PRKG1: variants seen among roughly 807,000 people sequenced by gnomAD.
The protein encoded by PRKG1 is cGMP-dependent protein kinase 1.
Under a neutral mutation model 88.1 loss-of-function variants are expected in PRKG1, and 35 were observed. The ratio of observed to expected loss-of-function variants is 0.40; its 90% CI spans 0.30 to 0.53. The LOEUF is 0.53. Ranked by LOEUF, PRKG1 falls within the 20% of genes least tolerant of loss-of-function variation. PRKG1 has a pLI of 0.59. For missense variants in PRKG1, 540 were observed against 839.8 expected, an observed-to-expected ratio of 0.64 and a Z score of 4.41; for synonymous variants, 303 against 292.5, an observed-to-expected ratio of 1.04 and a Z score of -0.37.
chr10:51,156,366 A>ATT (rs1291547085), intron 2 of PRKG1, among the ~76,000 whole-genome samples: 2 of 151,656 alleles, frequency 1.3e-5, no homozygotes, highest in Non-Finnish European at 1.5e-5. Flanking sequence ...ATGATAGGTG[A>ATT]TATTTCTTCC....
chr10:51,137,202 AGTG>A (rs1845709070), intron 1 of PRKG1, among the ~76,000 whole-genome samples: 1 of 152,082 alleles, frequency 6.6e-6, no homozygotes, highest in African/African-American at 2.4e-5. Context: ...TATTTCTTAA[AGTG>A]AATAGGAACT....
chr10:51,163,133 C>A (rs746571140), intron 2 of PRKG1, among the ~76,000 whole-genome samples: 131 of 152,266 alleles, frequency 8.6e-4, no homozygotes, highest in Non-Finnish European at 1.4e-3. Flanking sequence ...CCGCTACACT[C>A]CAGTCTGGGC....
At chr10:51,714,183 G>A (rs980117077) in intron 3 of PRKG1, among the ~76,000 whole-genome samples, 1 of 152,164 alleles carries the variant, frequency 6.6e-6, no homozygotes, top group African/African-American at 2.4e-5. Context: ...GTTTCACTGT[G>A]TTGGCAGGCT....
At chr10:51,968,669 A>G (rs1375337427) in intron 5 of PRKG1, among the ~76,000 whole-genome samples, 2 of 151,304 alleles carry the variant, frequency 1.3e-5, no homozygotes, top group African/African-American at 4.9e-5. Context: ...GAAAATACAA[A>G]AAAATTAGCT....
intron 14 of PRKG1, among the ~76,000 whole-genome samples, chr10:52,287,877 C>T (rs1345928822): frequency 6.6e-6 from 1 of 151,870 alleles, no homozygotes; most frequent in Admixed American, 6.6e-5. Flanking sequence ...TATTTATTGC[C>T]TCCTTAGTAT....
In PRKG1 at chr10:51,591,053, G is replaced by A. The variant is rs184387326; in HGVS notation, c.592+123217G>A. ...TAGTTTAACAAAGGCAAACACAGTAGGGGTGTTGTTGAAGCACACACAAGG... is the reference window on the plus strand; with the variant it reads ...TAGTTTAACAAAGGCAAACACAGTAAGGGTGTTGTTGAAGCACACACAAGG... On this transcript the variant is annotated intron_variant, in intron 3 of 17. Coordinates refer to ENST00000373980, the MANE Select transcript of PRKG1 (RefSeq NM_006258.4). Among the ~76,000 whole-genome samples, 23 of 152,266 alleles carry A rather than the reference G, an allele frequency of 1.5e-4. 1 individual carries two copies. The East Asian group carries it at 4.2e-3, about 28-fold the overall frequency.
chr10:52,150,672 A>G (rs1275435305), intron 8 of PRKG1, among the ~76,000 whole-genome samples: 3 of 152,220 alleles, frequency 2.0e-5, no homozygotes, highest in African/African-American at 7.2e-5. Flanking sequence ...TATTTATAAA[A>G]ATGTTAAACT....
chr10:51,795,944 T>A (rs1838999567), intron 3 of PRKG1, among the ~76,000 whole-genome samples: 2 of 152,220 alleles, frequency 1.3e-5, no homozygotes, highest in South Asian at 4.1e-4. Flanking sequence ...GAAAAATAAT[T>A]CACTCAGGAA....
At chr10:52,261,405 T>C (rs1165271703) in intron 10 of PRKG1, among the ~76,000 whole-genome samples, 1 of 151,986 alleles carries the variant, frequency 6.6e-6, no homozygotes, top group African/African-American at 2.4e-5. Flanking sequence ...TGAAAAGGCA[T>C]ATATATATAA....
intron 2 of PRKG1, among the ~76,000 whole-genome samples, chr10:51,177,826 T>A: frequency 6.6e-6 from 1 of 151,982 alleles, no homozygotes; most frequent in East Asian, 1.9e-4. Flanking sequence ...TATGATTACA[T>A]TTATATTTAA....
intron 5 of PRKG1, among the ~76,000 whole-genome samples, chr10:51,990,757 CCTCT>C (rs1844284379): frequency 6.6e-6 from 1 of 152,070 alleles, no homozygotes; most frequent in Non-Finnish European, 1.5e-5. Flanking sequence ...GTCTGTTGTT[CCTCT>C]CTATGTGTCC....
chr10:51,075,119 AG>A (rs1236302589), intron 1 of PRKG1, among the ~76,000 whole-genome samples: 1 of 152,174 alleles, frequency 6.6e-6, no homozygotes, highest in African/African-American at 2.4e-5. Flanking sequence ...TCAGATGTCA[AG>A]GTATTATTTT....
At chr10:52,056,597 G>T (rs1403297864) in intron 6 of PRKG1, among the ~76,000 whole-genome samples, 1 of 152,100 alleles carries the variant, frequency 6.6e-6, no homozygotes, top group Non-Finnish European at 1.5e-5. Context: ...GCACTCTGGG[G>T]ATTCTGGGAG....
At position 52,296,234 on chromosome 10, in the gene PRKG1, T is replaced by C. The variant is rs1002797055; in HGVS notation, c.*2334T>C. ...CCCAGAGATTAGCACTTGCTATGGA[T>C]TTTGGAACTATGGTTCAAGTCTAAG... is the stretch of plus-strand genomic sequence containing the variant. On this transcript the variant is annotated 3_prime_UTR_variant, in exon 18 of 18. Coordinates refer to ENST00000373980, the MANE Select transcript of PRKG1 (RefSeq NM_006258.4). 6.6e-6 allele frequency: 1 copy of C among 152,046 alleles called. No homozygotes were observed. Among genetic ancestry groups the C allele is most frequent in the Non-Finnish European group, 1.5e-5 (1 of 67,944 alleles). The allele number at this position is 152,046 out of a possible 1,614,324, so 9.4% of individuals were successfully genotyped here.
At chr10:51,490,298 G>A (rs753893560) in intron 3 of PRKG1, among the ~76,000 whole-genome samples, 3 of 151,968 alleles carry the variant, frequency 2.0e-5, no homozygotes, top group African/African-American at 4.8e-5. Context: ...CCACATTTGT[G>A]GTTCTTGCAT....
intron 2 of PRKG1, among the ~76,000 whole-genome samples, chr10:51,355,462 C>A (rs183290189): frequency 2.3e-4 from 35 of 152,158 alleles, no homozygotes; most frequent in African/African-American, 7.9e-4. Context: ...CTTTCTCCCC[C>A]ACACTGTGCT....
At position 52,218,868 on chromosome 10, in the gene PRKG1, A is replaced by C. The variant is rs1382287924; in HGVS notation, c.1077-32702A>C. Among the ~76,000 whole-genome samples, 3 of 152,280 alleles carry C rather than the reference A, an allele frequency of 2.0e-5. No individual in the cohort carries two copies. The East Asian group carries it at 5.8e-4, about 29-fold the overall frequency. ...TTCATTAATTAATATTTTAAACTAA[A>C]CTGTTTAACCATAATATAATGTTAA... On this transcript the variant is annotated intron_variant, in intron 9 of 17. Coordinates refer to ENST00000373980, the MANE Select transcript of PRKG1 (RefSeq NM_006258.4).
intron 1 of PRKG1, among the ~76,000 whole-genome samples, chr10:51,056,310 G>T (rs1335700042): frequency 6.6e-6 from 1 of 152,222 alleles, no homozygotes; most frequent in African/African-American, 2.4e-5. Flanking sequence ...TACTGGATAT[G>T]CTCAGAAAAG....
At chr10:51,063,948 CT>C in intron 1 of PRKG1, among the ~76,000 whole-genome samples, 1 of 152,046 alleles carries the variant, frequency 6.6e-6, no homozygotes, top group East Asian at 1.9e-4. Flanking sequence ...TTTGTTGAAG[CT>C]GTACACTATG....
Sources: gnomAD v4.1 joint callset for allele counts (sites outside exome capture counted in the v4.1 genomes callset) on GRCh38, gnomAD v4.1.1 for gene constraint, MANE v1.5 for transcripts, NCBI Gene and HGNC (gene_info 2026-07-23, HGNC 2026-07-21) for gene names.